Variants in PRKAR2A observed in about 807,000 individuals in gnomAD.
PRKAR2A encodes the protein protein kinase cAMP-dependent type II regulatory subunit alpha, also known as cAMP-dependent protein kinase type II-alpha regulatory subunit.
PRKAR2A carries 29 observed loss-of-function variants against 51.9 expected under a neutral mutation model. The observed-to-expected ratio is 0.56, with a 90% CI of 0.42 to 0.76. The LOEUF is 0.76. Among genes scored for constraint, PRKAR2A ranks in the 30% least tolerant of loss-of-function variants. The pLI is 0.00. For missense variants in PRKAR2A, 445 were observed against 512.1 expected, an observed-to-expected ratio of 0.87 and a Z score of 1.26; for synonymous variants, 178 against 186.2, an observed-to-expected ratio of 0.96 and a Z score of 0.36.
In PRKAR2A at chr3:48,809,388, C is replaced by T. The variant is rs145426023; in HGVS notation, c.263-1704G>A. 8.6e-5 allele frequency among the ~76,000 whole-genome samples: 13 copies of T among 151,434 alleles called. No homozygotes were observed. In the East Asian group the frequency reaches 2.5e-3, roughly 30 times the overall value. ...GCTGGATCATTTGAGGTCAGAAGTT[C>T]GAGACTAGCCTGGCAAACATGGTGA... On this transcript the variant is annotated intron_variant, in intron 1 of 10. Coordinates refer to ENST00000265563, the MANE Select transcript of PRKAR2A (RefSeq NM_004157.4).
At chr3:48,799,518 T>G (rs1271571489) in intron 2 of PRKAR2A, among the ~76,000 whole-genome samples, 1 of 152,196 alleles carries the variant, frequency 6.6e-6, no homozygotes, top group Admixed American at 6.5e-5. Flanking sequence ...TAAGCAATAC[T>G]TAGTAATATT....
chr3:48,765,452 T>G, intron 6 of PRKAR2A, 103 bp from the exon 7 acceptor site: 7 of 775,708 alleles, frequency 9.0e-6, no homozygotes, highest in Non-Finnish European at 1.4e-5. Context: ...TGTAAGTTAC[T>G]GTGTTAATTA....
intron 1 of PRKAR2A, among the ~76,000 whole-genome samples, chr3:48,822,994 G>C (rs1020373206): frequency 6.6e-6 from 1 of 151,924 alleles, no homozygotes; most frequent in Non-Finnish European, 1.5e-5. Context: ...ATTAGAAAAA[G>C]CAATCCCTAA....
chr3:48,749,533 A>AT lies in PRKAR2A; in HGVS notation c.*2051dup, dbSNP rs1285818620. 6.6e-6 allele frequency: 1 copy of AT among 151,480 alleles called. No individual in the cohort carries two copies. The highest frequency in any genetic ancestry group is 1.9e-4 in the East Asian group (1 of 5,168). The allele number at this position is 151,480 out of a possible 1,614,324, so 9.4% of individuals were successfully genotyped here. On this transcript the variant is annotated 3_prime_UTR_variant, in exon 11 of 11. Transcript: ENST00000265563. ...GTCTTGCACTGTCACCCGGGGTGGAATACAATGGTGCAATCTCGGCTCACT... is the reference window on the plus strand; with the variant it reads ...GTCTTGCACTGTCACCCGGGGTGGAATTACAATGGTGCAATCTCGGCTCACT...
At position 48,751,497 on chromosome 3, in the gene PRKAR2A, G is replaced by T; in HGVS notation, c.*88C>A. ...AGCAGTGGCGGCAACGGCAGGAACA[G>T]TTCTGTCATGTCTGTTTTCTGTATG... On this transcript the variant is annotated 3_prime_UTR_variant, in exon 11 of 11. Transcript: ENST00000265563. 4 of 1,564,392 alleles carry T rather than the reference G, an allele frequency of 2.6e-6. 1 individual carries two copies. The highest frequency in any genetic ancestry group is 3.5e-6 in the Non-Finnish European group (4 of 1,146,016).
rs565245092 is a variant in PRKAR2A, at chr3:48,831,064, G to A, written c.262+16271C>T. Among the ~76,000 whole-genome samples, 4 of 152,162 alleles carry A rather than the reference G, an allele frequency of 2.6e-5. No homozygotes were observed. In the South Asian group the frequency reaches 8.3e-4, roughly 32 times the overall value. ...TCCTAGCAGGCCACAGACCAATACT[G>A]GTCCATGGCCCAGGGGGTGGGGACC... On this transcript the variant is annotated intron_variant, in intron 1 of 10. Coordinates refer to ENST00000265563, the MANE Select transcript of PRKAR2A (RefSeq NM_004157.4).
intron 1 of PRKAR2A, among the ~76,000 whole-genome samples, chr3:48,818,853 T>C (rs1234725442): frequency 6.6e-6 from 1 of 152,224 alleles, no homozygotes; most frequent in African/African-American, 2.4e-5. Flanking sequence ...AATGACCCTA[T>C]GTATAGAAGT....
intron 1 of PRKAR2A, among the ~76,000 whole-genome samples, chr3:48,831,450 T>C (rs1231726739): frequency 6.7e-6 from 1 of 149,166 alleles, no homozygotes; most frequent in Non-Finnish European, 1.5e-5. Context: ...CACTGTAGCA[T>C]TGACCTGCTG....
rs199924221 is a variant in PRKAR2A at position 48,751,630 on chromosome 3, C to T, written c.1170G>A (p.Val390=). Residue 390 remains valine (V), a synonymous_variant, in exon 11 of 11, where the codon GTG becomes GTA. Coordinates refer to ENST00000265563, the MANE Select transcript of PRKAR2A (RefSeq NM_004157.4). Reference sequence around the variant, plus strand: ...GATCCACGCTGGAGCCAAACATCTTCACCAGCTGTTCCTCATAGTGTGAGA... The same window carrying T: ...GATCCACGCTGGAGCCAAACATCTTTACCAGCTGTTCCTCATAGTGTGAGA... ...RNISHYEEQL[V]KMFGSSVDLG... 4.3e-6 allele frequency: 7 copies of T among 1,613,884 alleles called. No homozygotes were observed. The highest frequency in any genetic ancestry group is 1.7e-5 in the Admixed American group (1 of 60,004).
intron 8 of PRKAR2A, among the ~76,000 whole-genome samples, chr3:48,759,992 TTACTC>T (rs1276913453): frequency 1.3e-5 from 2 of 152,178 alleles, no homozygotes; most frequent in South Asian, 2.1e-4. Flanking sequence ...TCTGTCTACA[TTACTC>T]TAAGAATAAG....
At position 48,751,282 on chromosome 3, in the gene PRKAR2A, A is replaced by G. The variant is rs2081643460; in HGVS notation, c.*303T>C. 3.7e-6 allele frequency: 2 copies of G among 537,086 alleles called. No individual in the cohort carries two copies. The highest frequency in any genetic ancestry group is 1.5e-5 in the South Asian group (1 of 65,256). The allele number at this position is 537,086 out of a possible 1,614,324, so 33.3% of individuals were successfully genotyped here. A position where few individuals can be genotyped will look rare whatever the true frequency, so the allele number is the denominator to read the frequency against. ...AGCATGTTTATACTTTGGACTTTGT[A>G]TCAGGCACTTAAATTGTTGGAGAGA... On this transcript the variant is annotated 3_prime_UTR_variant, in exon 11 of 11. Coordinates refer to ENST00000265563, the MANE Select transcript of PRKAR2A (RefSeq NM_004157.4).
In PRKAR2A at chr3:48,842,924, C is replaced by T. The variant is rs534494764; in HGVS notation, c.262+4411G>A. On this transcript the variant is annotated intron_variant, in intron 1 of 10. Transcript: ENST00000265563. ...GCTTTGGTATCAGGATGATGCTGGC[C>T]TCATAAAATGAGTTAGGGAGGATTC... 2.4e-3 allele frequency among the ~76,000 whole-genome samples: 367 copies of T among 152,268 alleles called. 3 individuals carry two copies. Among genetic ancestry groups the T allele is most frequent in the African/African-American group, 8.4e-3 (349 of 41,548 alleles).
Position 48,746,672 on chromosome 3 carries a change from G to A in PRKAR2A, c.*4913C>T, listed in dbSNP as rs1205926127. The A allele has an allele frequency of 1.3e-5, 2 of 152,094 alleles. No homozygotes were observed. Among genetic ancestry groups the A allele is most frequent in the African/African-American group, 4.8e-5 (2 of 41,410 alleles). The allele number at this position is 152,094 out of a possible 1,614,324, so 9.4% of individuals were successfully genotyped here. A position where few individuals can be genotyped will look rare whatever the true frequency, so the allele number is the denominator to read the frequency against. ...CAAAAAGAACATCAACCTTGTTTAT[G>A]GCAAACAGTGACTTAATTCTTAATG... is the stretch of plus-strand genomic sequence containing the variant. On this transcript the variant is annotated 3_prime_UTR_variant, in exon 11 of 11. Transcript: ENST00000265563.
chr3:48,776,783 G>A (rs958577587), intron 5 of PRKAR2A, among the ~76,000 whole-genome samples: 2 of 152,200 alleles, frequency 1.3e-5, no homozygotes, highest in Non-Finnish European at 2.9e-5. Flanking sequence ...AGAGGTTGCA[G>A]TGAGCCAAGA....
chr3:48,786,054 CAT>C (rs1488152886), intron 4 of PRKAR2A, among the ~76,000 whole-genome samples: 3 of 151,184 alleles, frequency 2.0e-5, no homozygotes, highest in African/African-American at 7.3e-5. Context: ...CCTGAAATCT[CAT>C]ATGTTGTGGA....
In PRKAR2A at chr3:48,847,230, A is replaced by T; in HGVS notation, c.262+105T>A. 4.3e-6 allele frequency: 6 copies of T among 1,406,898 alleles called. No homozygotes were observed. In the South Asian group the frequency reaches 8.3e-5, roughly 19 times the overall value. The allele number at this position is 1,406,898 out of a possible 1,614,324, so 87.2% of individuals were successfully genotyped here. On this transcript the variant is annotated intron_variant, in intron 1 of 10. Coordinates refer to ENST00000265563, the MANE Select transcript of PRKAR2A (RefSeq NM_004157.4). The surrounding 1 kb of genome is among the most constrained non-coding windows in gnomAD (Gnocchi z 4.4). ...ACGCGGCTACAGAGCTCCCAATCCC[A>T]GCCTGCGGTCGGCTTGGCTGCGGCG...
At chr3:48,752,341 C>T (rs752191724) in intron 9 of PRKAR2A, 24 bp from the exon 10 acceptor site, 9 of 1,608,414 alleles carry the variant, frequency 5.6e-6, no homozygotes, top group Non-Finnish European at 7.6e-6. Flanking sequence ...AGAACATGAC[C>T]TAGGCTGACT....
At chr3:48,766,170 T>C (rs1167323375) in intron 6 of PRKAR2A, among the ~76,000 whole-genome samples, 2 of 151,768 alleles carry the variant, frequency 1.3e-5, no homozygotes, top group Non-Finnish European at 2.9e-5. Flanking sequence ...TGAGTTGTGA[T>C]TGTACCACTG....
intron 2 of PRKAR2A, among the ~76,000 whole-genome samples, chr3:48,797,267 C>T (rs535164749): frequency 3.4e-4 from 52 of 152,222 alleles, no homozygotes; most frequent in South Asian, 8.3e-4. Context: ...CTCCCAGGTT[C>T]AAGTGATTCT....
Sources: gnomAD v4.1 joint callset for allele counts (sites outside exome capture counted in the v4.1 genomes callset) on GRCh38, gnomAD v4.1.1 for gene constraint, Gnocchi (gnomAD v3.1) non-coding constraint, MANE v1.5 for transcripts, NCBI Gene and HGNC (gene_info 2026-07-23, HGNC 2026-07-21) for gene names.